Variants in SBSPON observed in about 807,000 individuals in gnomAD.
SBSPON encodes somatomedin-B and thrombospondin type-1 domain-containing protein.
In SBSPON, 30 loss-of-function variants were observed where a neutral mutation model predicts 35.8. That is an observed-to-expected ratio of 0.84 (90% CI 0.63 to 1.14). SBSPON has a LOEUF of 1.14. Among genes scored for constraint, SBSPON ranks in the 50% most tolerant of loss-of-function variants. The pLI is 0.00. For missense variants in SBSPON, 364 were observed against 357.7 expected (o/e 1.02, Z -0.14); for synonymous variants, 136 against 135.9 (o/e 1.00, Z 0.00).
At chr8:73,078,258 T>G (rs1272230395) in intron 2 of SBSPON, among the ~76,000 whole-genome samples, 1 of 152,162 alleles carries the variant, frequency 6.6e-6, no homozygotes, top group African/African-American at 2.4e-5. Context: ...ACAGGGTTGC[T>G]GGAGGGGTCC....
intron 2 of SBSPON, among the ~76,000 whole-genome samples, chr8:73,073,981 G>T (rs1810545472): frequency 6.6e-6 from 1 of 152,302 alleles, no homozygotes; most frequent in Non-Finnish European, 1.5e-5. Context: ...AAGAACAAGA[G>T]AGTGCATGTA....
At chr8:73,084,622 G>A (rs979953346) in intron 1 of SBSPON, among the ~76,000 whole-genome samples, 1 of 151,978 alleles carries the variant, frequency 6.6e-6, no homozygotes, top group African/African-American at 2.4e-5. Context: ...ACTCTGCTGG[G>A]AATATTCTCC....
chr8:73,073,071 A>G (rs145108791), intron 2 of SBSPON, among the ~76,000 whole-genome samples: 411 of 152,322 alleles, frequency 2.7e-3, no homozygotes, highest in African/African-American at 9.4e-3. Flanking sequence ...CTCTGTTGTC[A>G]TCTTGAGGAA....
intron 1 of SBSPON, among the ~76,000 whole-genome samples, chr8:73,081,495 G>A (rs1157995949): frequency 6.6e-6 from 1 of 152,162 alleles, no homozygotes; most frequent in East Asian, 1.9e-4. Context: ...AAGGAGATGA[G>A]ACGGATGCTT....
intron 2 of SBSPON, among the ~76,000 whole-genome samples, chr8:73,078,032 G>A (rs375563979): frequency 2.6e-5 from 4 of 152,206 alleles, no homozygotes; most frequent in Non-Finnish European, 5.9e-5. Context: ...GGAAAGTGCT[G>A]ATTAGGTGAC....
intron 4 of SBSPON, 94 bp downstream of exon 4, chr8:73,069,711 T>C (rs1007841597): frequency 2.0e-5 from 20 of 1,008,544 alleles, no homozygotes; most frequent in Middle Eastern, 2.1e-4. Context: ...CATCCCTTGA[T>C]ATGTTACATA....
chr8:73,071,930 C>T (rs1810501019), intron 2 of SBSPON, 60 bp from the exon 3 acceptor site: 1 of 1,157,924 alleles, frequency 8.6e-7, no homozygotes, highest in Non-Finnish European at 1.3e-6. Flanking sequence ...CATCGTTTCC[C>T]AATTTTGGTT....
intron 2 of SBSPON, among the ~76,000 whole-genome samples, chr8:73,077,721 C>T (rs1586094067): frequency 1.3e-5 from 2 of 152,308 alleles, no homozygotes; most frequent in Non-Finnish European, 2.9e-5. Context: ...ACGTGATTGC[C>T]TCTCATGTCC....
chr8:73,084,077 A>G (rs1413839861), intron 1 of SBSPON, among the ~76,000 whole-genome samples: 2 of 152,244 alleles, frequency 1.3e-5, no homozygotes, highest in Non-Finnish European at 2.9e-5. Flanking sequence ...ACAGAAAATA[A>G]AAAAAGCTAA....
chr8:73,091,715 A>C (rs1165392305), intron 1 of SBSPON, among the ~76,000 whole-genome samples: 1 of 152,236 alleles, frequency 6.6e-6, no homozygotes, highest in Non-Finnish European at 1.5e-5. Flanking sequence ...CTTTATCAAA[A>C]ATAATATCAA....
At chr8:73,081,512 G>A (rs907301274) in intron 1 of SBSPON, among the ~76,000 whole-genome samples, 1 of 151,998 alleles carries the variant, frequency 6.6e-6, no homozygotes, top group Non-Finnish European at 1.5e-5. Flanking sequence ...GCTTTCAGGG[G>A]AATTTCTCAT....
rs1453486032 is a variant in SBSPON, at chr8:73,093,036, A to G, written c.32T>C (p.Leu11Pro). The G allele has an allele frequency of 7.2e-7, 1 of 1,379,978 alleles. No individual in the cohort carries two copies. Among genetic ancestry groups the G allele is most frequent in the South Asian group, 1.8e-5 (1 of 55,934 alleles). The allele number at this position is 1,379,978 out of a possible 1,614,324, so 85.5% of individuals were successfully genotyped here. The change falls in exon 1 of 5, where the codon CTG becomes CCG. Residue 11 changes from leucine (L) to proline (P), a missense_variant. Transcript: ENST00000297354. MRTLWMALCALSRLWPGAQAG... is the reference protein window; with the variant it reads MRTLWMALCAPSRLWPGAQAG... The stretch of plus-strand genomic sequence containing the variant: ...CTGGGCCCCGGGCCACAGCCGCGAC[A>G]GCGCGCACAGCGCCATCCACAGGGT...
chr8:73,073,149 G>C (rs2129996276), intron 2 of SBSPON, among the ~76,000 whole-genome samples: 1 of 152,314 alleles, frequency 6.6e-6, no homozygotes, highest in African/African-American at 2.4e-5. Context: ...ATTTGTGCAA[G>C]GAATAAATGG....
Position 73,069,999 on chromosome 8 carries a change from A to G in SBSPON, c.501-18T>C. 6.7e-7 allele frequency: 1 copy of G among 1,498,718 alleles called. No individual in the cohort carries two copies. Among genetic ancestry groups the G allele is most frequent in the Non-Finnish European group, 9.0e-7 (1 of 1,105,908 alleles). The allele number at this position is 1,498,718 out of a possible 1,614,324, so 92.8% of individuals were successfully genotyped here. ...TACAGTATCTACAGCAAAAGAAGTA[A>G]CAATGACACTTGCTGTAATGAGCAG... On this transcript the variant is annotated intron_variant, in intron 3 of 4. Coordinates refer to ENST00000297354, the MANE Select transcript of SBSPON (RefSeq NM_153225.4).
At position 73,093,130 on chromosome 8, in the gene SBSPON, G is replaced by T. The variant is rs1311600887; in HGVS notation, c.-63C>A. On this transcript the variant is annotated 5_prime_UTR_variant, in exon 1 of 5. Coordinates refer to ENST00000297354, the MANE Select transcript of SBSPON (RefSeq NM_153225.4). ...CCCGGGGCAAGCGCTCTGATCCTCGGCTGGCCGCGGCCCGGGAGCTGCCCG... is the reference window on the plus strand; with the variant it reads ...CCCGGGGCAAGCGCTCTGATCCTCGTCTGGCCGCGGCCCGGGAGCTGCCCG... 1.6e-5 allele frequency: 15 copies of T among 926,284 alleles called. No homozygotes were observed. Among genetic ancestry groups the T allele is most frequent in the Admixed American group, 4.6e-5 (1 of 21,752 alleles). 57.4% of individuals were successfully genotyped at this position (926,284 alleles called of 1,614,324 possible). A position where few individuals can be genotyped will look rare whatever the true frequency, so the allele number is the denominator to read the frequency against.
At position 73,066,314 on chromosome 8, in the gene SBSPON, T is replaced by C. The variant is rs975471687; in HGVS notation, c.*1027A>G. 1 of 152,170 alleles carries C rather than the reference T, an allele frequency of 6.6e-6. No individual in the cohort carries two copies. The highest frequency in any genetic ancestry group is 1.5e-5 in the Non-Finnish European group (1 of 68,036). The allele number at this position is 152,170 out of a possible 1,614,324, so 9.4% of individuals were successfully genotyped here. On this transcript the variant is annotated 3_prime_UTR_variant, in exon 5 of 5. Coordinates refer to ENST00000297354, the MANE Select transcript of SBSPON (RefSeq NM_153225.4). ...GCTCTGTGGCTGACTGCAGAATGAC[T>C]TGTCATCCCAGGTCCTTAAACATGC...
Position 73,069,789 on chromosome 8 carries a change from T to A in SBSPON, c.677+16A>T, listed in dbSNP as rs1449172822. On this transcript the variant is annotated intron_variant, in intron 4 of 4. Transcript: ENST00000297354. ...TGAGTGACAAGAAAAGTACTTCAGT[T>A]AATTTCCATTCTTACCCATCGGAGT... 9 of 1,607,330 alleles carry A rather than the reference T, an allele frequency of 5.6e-6. No homozygotes were observed. Among genetic ancestry groups the A allele is most frequent in the Non-Finnish European group, 7.7e-6 (9 of 1,173,820 alleles).
At chr8:73,077,079 T>C (rs528838403) in intron 2 of SBSPON, among the ~76,000 whole-genome samples, 2 of 152,268 alleles carry the variant, frequency 1.3e-5, no homozygotes, top group Admixed American at 6.5e-5. Flanking sequence ...GCTAATATTT[T>C]ATTTTTAGTA....
At chr8:73,069,643 CT>C (rs1213095629) in intron 4 of SBSPON, among the ~76,000 whole-genome samples, 161 bp downstream of exon 4, 1 of 152,164 alleles carries the variant, frequency 6.6e-6, no homozygotes, top group South Asian at 2.1e-4. Context: ...AACTGGAGCC[CT>C]GGCCCCAGGC....
Sources: allele counts gnomAD v4.1 joint callset (sites outside exome capture counted in the v4.1 genomes callset), GRCh38; gene constraint gnomAD v4.1.1; transcripts MANE v1.5; gene names NCBI Gene and HGNC (gene_info 2026-07-23, HGNC 2026-07-21).